Variants in TTLL11 observed in about 807,000 individuals in gnomAD.
The protein encoded by TTLL11 is tubulin tyrosine ligase like 11.
Under a neutral mutation model 51.7 loss-of-function variants are expected in TTLL11, and 42 were observed. The ratio of observed to expected loss-of-function variants is 0.81; its 90% CI spans 0.64 to 1.05. TTLL11 has a LOEUF of 1.05. Among genes scored for constraint, TTLL11 ranks in the 50% least tolerant of loss-of-function variants. The pLI is 0.00. For missense variants in TTLL11, 799 were observed against 940.4 expected (o/e 0.85, Z 1.97); for synonymous variants, 381 against 383.5 (o/e 0.99, Z 0.08).
chr9:121,912,846 C>A lies in TTLL11; in HGVS notation c.1482-42098G>T, dbSNP rs77111150. On this transcript the variant is annotated intron_variant, in intron 6 of 8. Coordinates refer to ENST00000321582, the MANE Select transcript of TTLL11 (RefSeq NM_001139442.2). ...AGATCCTTGGGAAAGGCATTCTTTT[C>A]CTCATTTTACGTATGAGGAACATGA... Among the ~76,000 whole-genome samples the A allele has an allele frequency of 2.1e-3, 321 of 152,090 alleles. 1 individual carries two copies. The highest frequency in any genetic ancestry group is 7.4e-3 in the African/African-American group (307 of 41,456).
At chr9:121,899,998 A>G (rs1262344085) in intron 6 of TTLL11, among the ~76,000 whole-genome samples, 1 of 152,212 alleles carries the variant, frequency 6.6e-6, no homozygotes, top group Non-Finnish European at 1.5e-5. Flanking sequence ...GGAGGAAGAA[A>G]CAGTAGCCAA....
At chr9:122,041,979 A>C (rs1844856206) in intron 1 of TTLL11, among the ~76,000 whole-genome samples, 1 of 151,828 alleles carries the variant, frequency 6.6e-6, no homozygotes, top group African/African-American at 2.4e-5. Context: ...TCTTGAAAAA[A>C]AAAAAAAGAA....
chr9:121,934,328 T>G (rs1212227270), intron 6 of TTLL11, among the ~76,000 whole-genome samples: 1 of 152,210 alleles, frequency 6.6e-6, no homozygotes, highest in Non-Finnish European at 1.5e-5. Context: ...ACGTCATACC[T>G]GCAACACTTG....
In TTLL11 at chr9:121,822,395, T is replaced by C. The variant is rs372356131; in HGVS notation, c.*192A>G. The stretch of plus-strand genomic sequence containing the variant: ...AAACAGGGTGTATCACCAGGAGGTG[T>C]GAGGAGGAAGGCAGGTGAGAACCAG... On this transcript the variant is annotated 3_prime_UTR_variant, in exon 9 of 9. Coordinates refer to ENST00000321582, the MANE Select transcript of TTLL11 (RefSeq NM_001139442.2). This position sits in a 1 kb window ranked among gnomAD's most constrained non-coding sequence, Gnocchi z 5.8. 4.3e-4 allele frequency: 201 copies of C among 466,122 alleles called. No individual in the cohort carries two copies. Among genetic ancestry groups the C allele is most frequent in the African/African-American group, 3.6e-3 (181 of 49,644 alleles). 28.9% of individuals were successfully genotyped at this position (466,122 alleles called of 1,614,324 possible). A position where few individuals can be genotyped will look rare whatever the true frequency, so the allele number is the denominator to read the frequency against.
chr9:121,839,115 C>G (rs1837277410), intron 8 of TTLL11, among the ~76,000 whole-genome samples: 1 of 152,248 alleles, frequency 6.6e-6, no homozygotes, highest in African/African-American at 2.4e-5. Context: ...TTTGATCCAC[C>G]TCTTAATATA....
At chr9:121,946,026 C>T (rs1023843064) in intron 6 of TTLL11, among the ~76,000 whole-genome samples, 9 of 152,194 alleles carry the variant, frequency 5.9e-5, no homozygotes, top group East Asian at 5.8e-4. Context: ...TGAATGCATC[C>T]GATGTGGTTC....
intron 8 of TTLL11, among the ~76,000 whole-genome samples, chr9:121,825,239 C>A (rs566257618): frequency 6.6e-6 from 1 of 151,940 alleles, no homozygotes; most frequent in African/African-American, 2.4e-5. Context: ...GTGAGATGGT[C>A]GGGTGGGAGG....
rs117985115 is a variant in TTLL11, at chr9:121,860,565, C to A, written c.1734-122G>T. The A allele has an allele frequency of 4.2e-4, 322 of 771,530 alleles. 2 individuals are homozygous for A. In the East Asian group the frequency reaches 8.2e-3, roughly 20 times the overall value. 47.8% of individuals were successfully genotyped at this position (771,530 alleles called of 1,614,324 possible). On this transcript the variant is annotated intron_variant, in intron 7 of 8. Transcript: ENST00000321582. ...CAAATCCATAGGTTGAAATCCTATC[C>A]CTCCAATGTGATGGTGTTAGGAGGT... is the stretch of plus-strand genomic sequence containing the variant.
At chr9:122,021,827 T>C (rs1844190394) in intron 3 of TTLL11, among the ~76,000 whole-genome samples, 1 of 152,054 alleles carries the variant, frequency 6.6e-6, no homozygotes, top group Admixed American at 6.5e-5. Flanking sequence ...CATCGTGATA[T>C]GGGCCACAAT....
At chr9:121,913,415 A>C (rs920137950) in intron 6 of TTLL11, among the ~76,000 whole-genome samples, 17 of 152,128 alleles carry the variant, frequency 1.1e-4, no homozygotes, top group African/African-American at 3.6e-4. Flanking sequence ...CTTCTCTGCC[A>C]CTCTGTCAGT....
In TTLL11 at chr9:121,973,995, A is replaced by G. The variant is rs1272737882; in HGVS notation, c.1481+14T>C. On this transcript the variant is annotated intron_variant, in intron 6 of 8. Coordinates refer to ENST00000321582, the MANE Select transcript of TTLL11 (RefSeq NM_001139442.2). ...CAGAGTTGATAGAAATGAATGACAT[A>G]AAAAAGTACTTACTGATTCTCTCTT... 2 of 1,545,230 alleles carry G rather than the reference A, an allele frequency of 1.3e-6. No homozygotes were observed. The highest frequency in any genetic ancestry group is 1.8e-6 in the Non-Finnish European group (2 of 1,141,498).
At chr9:122,021,083 C>T (rs971584572) in intron 3 of TTLL11, among the ~76,000 whole-genome samples, 5 of 148,838 alleles carry the variant, frequency 3.4e-5, no homozygotes, top group African/African-American at 1.0e-4. Flanking sequence ...TGCCCCGCAT[C>T]GCTCGAGCAA....
chr9:122,055,071 T>G (rs942498029), intron 1 of TTLL11, among the ~76,000 whole-genome samples: 4 of 152,160 alleles, frequency 2.6e-5, no homozygotes, highest in African/African-American at 9.7e-5. Flanking sequence ...AAGCAAGTCA[T>G]GCCTCTGAGC....
chr9:122,024,950 T>C (rs921877526), intron 3 of TTLL11, among the ~76,000 whole-genome samples: 1 of 152,094 alleles, frequency 6.6e-6, no homozygotes, highest in Non-Finnish European at 1.5e-5. Context: ...AAAAACTTGC[T>C]TTTCAAAGGA....
chr9:122,039,143 G>T, intron 2 of TTLL11, 129 bp downstream of exon 2: 1 of 741,652 alleles, frequency 1.3e-6, no homozygotes, highest in Non-Finnish European at 2.2e-6. Context: ...AATGGCTAGT[G>T]AACACAGCAA....
chr9:122,034,002 T>G (rs1333974164), intron 2 of TTLL11, among the ~76,000 whole-genome samples: 1 of 152,212 alleles, frequency 6.6e-6, no homozygotes, highest in Non-Finnish European at 1.5e-5. Flanking sequence ...AAAGCAAAAC[T>G]TCAACTTTTT....
intron 1 of TTLL11, among the ~76,000 whole-genome samples, chr9:122,089,749 ATAG>A (rs1362449384): frequency 9.2e-5 from 14 of 152,188 alleles, no homozygotes; most frequent in Non-Finnish European, 1.8e-4. Flanking sequence ...CACAAGCCTA[ATAG>A]TAGAGTCTTA....
intron 1 of TTLL11, among the ~76,000 whole-genome samples, chr9:122,066,030 G>C (rs1386547489): frequency 6.6e-6 from 1 of 152,108 alleles, no homozygotes; most frequent in African/African-American, 2.4e-5. Context: ...TTCTTAAATG[G>C]GGGTGGAGTA....
rs550466736 is a variant in TTLL11, at chr9:122,005,789, T to C, written c.694-16019A>G. ...CATCCGTGTAACTCAGTGGAGCTGG[T>C]ACTGCCACCTAGGGAGGGTTTTGGA... On this transcript the variant is annotated intron_variant, in intron 3 of 8. Transcript: ENST00000321582. Among the ~76,000 whole-genome samples the C allele has an allele frequency of 5.4e-4, 82 of 152,316 alleles. 1 individual carries two copies. Among genetic ancestry groups the C allele is most frequent in the Admixed American group, 4.4e-3 (67 of 15,298 alleles).
Sources: gnomAD v4.1 joint callset for allele counts (sites outside exome capture counted in the v4.1 genomes callset) on GRCh38, gnomAD v4.1.1 for gene constraint, Gnocchi (gnomAD v3.1) non-coding constraint, MANE v1.5 for transcripts, NCBI Gene and HGNC (gene_info 2026-07-23, HGNC 2026-07-21) for gene names.